NALCN: variants seen among roughly 807,000 people sequenced by gnomAD.
NALCN encodes sodium leak channel, non-selective.
NALCN carries 111 observed loss-of-function variants against 225.3 expected under a neutral mutation model. The ratio of observed to expected loss-of-function variants is 0.49; its 90% CI spans 0.42 to 0.58. The LOEUF is 0.58. NALCN is among the 20% of genes least tolerant of loss of function. NALCN has a pLI of 0.00. For synonymous variants in NALCN, 764 were observed against 769.0 expected (o/e 0.99, Z 0.11); for missense variants, 1,378 against 2,202.4 (o/e 0.63, Z 7.49).
At chr13:101,219,901 G>A (rs927207463) in intron 13 of NALCN, among the ~76,000 whole-genome samples, 1 of 152,154 alleles carries the variant, frequency 6.6e-6, no homozygotes, top group Non-Finnish European at 1.5e-5. Context: ...CTTACTATGT[G>A]TAAGTAGGGC....
intron 30 of NALCN, among the ~76,000 whole-genome samples, chr13:101,088,155 G>A (rs1410965109): frequency 6.6e-6 from 1 of 152,056 alleles, no homozygotes; most frequent in Non-Finnish European, 1.5e-5. Flanking sequence ...GTTTCTGAGG[G>A]TCCAAGTAGA....
intron 13 of NALCN, among the ~76,000 whole-genome samples, chr13:101,226,614 G>A (rs543488852): frequency 6.6e-5 from 10 of 151,678 alleles, no homozygotes; most frequent in East Asian, 1.9e-4. Flanking sequence ...TCCAGCCTCC[G>A]TTCCAGGAGT....
intron 3 of NALCN, among the ~76,000 whole-genome samples, chr13:101,393,977 T>C (rs1028454920): frequency 2.0e-5 from 3 of 152,226 alleles, no homozygotes; most frequent in Non-Finnish European, 4.4e-5. Context: ...AAATATTTTA[T>C]CATATGTAAA....
At chr13:101,362,466 CATAA>C (rs2139369257) in intron 6 of NALCN, among the ~76,000 whole-genome samples, 1 of 152,094 alleles carries the variant, frequency 6.6e-6, no homozygotes, top group East Asian at 1.9e-4. Context: ...TGATACATTA[CATAA>C]ATAAACCAGG....
chr13:101,089,831 G>A lies in NALCN; in HGVS notation c.3390+15C>T, dbSNP rs2034126872. 2 of 1,613,966 alleles carry A rather than the reference G, an allele frequency of 1.2e-6. No individual in the cohort carries two copies. The highest frequency in any genetic ancestry group is 1.7e-6 in the Non-Finnish European group (2 of 1,179,896). On this transcript the variant is annotated intron_variant, in intron 29 of 43. Transcript: ENST00000251127. This position sits in a 1 kb window ranked among gnomAD's most constrained non-coding sequence, Gnocchi z 4.7. ...TGCTCTTGAAGTGTTCAAAGGATTC[G>A]ATGTGCTCGCTTACCGGCCCCACAC...
intron 17 of NALCN, among the ~76,000 whole-genome samples, chr13:101,133,802 A>G (rs2036629736): frequency 6.6e-6 from 1 of 152,248 alleles, no homozygotes; most frequent in Non-Finnish European, 1.5e-5. Flanking sequence ...CCATTATAAT[A>G]TCATGTTATG....
intron 10 of NALCN, among the ~76,000 whole-genome samples, chr13:101,272,104 T>A (rs1280491068): frequency 6.6e-6 from 1 of 152,058 alleles, no homozygotes; most frequent in Non-Finnish European, 1.5e-5. Context: ...TGTGCATGTG[T>A]GTGTCTGTGT....
chr13:101,283,953 G>A lies in NALCN; in HGVS notation c.1114C>T (p.Arg372Cys), dbSNP rs549926959. 8.1e-6 allele frequency: 13 copies of A among 1,613,014 alleles called. No individual in the cohort carries two copies. Among genetic ancestry groups the A allele is most frequent in the East Asian group, 4.5e-5 (2 of 44,860 alleles). ...VAVDVNKPQGRAPACLQKMMR... is the reference protein window; with the variant it reads ...VAVDVNKPQGCAPACLQKMMR... ...TGCACCTGGAGGCAGGCTGGGGCGC[G>A]TCCCTGGGGCTTGTTGACATCCACA... The change falls in exon 10 of 44, where the codon CGC (arginine) becomes TGC (cysteine). Residue 372 changes from arginine (R) to cysteine (C), a missense_variant. Physicochemically the swap from Arg to Cys is radical, Grantham distance 180 (BLOSUM62 -3). Transcript: ENST00000251127.
intron 10 of NALCN, among the ~76,000 whole-genome samples, chr13:101,261,210 T>C (rs2140226222): frequency 6.6e-6 from 1 of 152,322 alleles, no homozygotes; most frequent in East Asian, 1.9e-4. Context: ...CTATTCTGTT[T>C]CGTTGGTCTA....
intron 7 of NALCN, among the ~76,000 whole-genome samples, chr13:101,312,285 A>C (rs867377037): frequency 5.3e-5 from 8 of 152,004 alleles, no homozygotes; most frequent in South Asian, 4.2e-4. Flanking sequence ...AGGTCTATCA[A>C]TTTTGTTGAT....
At chr13:101,057,110 C>CT (rs2031362406) in intron 43 of NALCN, 1 of 150,140 alleles carries the variant, frequency 6.7e-6, no homozygotes, top group Admixed American at 6.6e-5. Flanking sequence ...TGCTACACAT[C>CT]TTCTCCTTTC....
intron 18 of NALCN, among the ~76,000 whole-genome samples, chr13:101,111,901 A>C (rs1483821889): frequency 2.0e-5 from 3 of 152,170 alleles, no homozygotes. Context: ...AGATTAATAC[A>C]CACAGGCAAT....
chr13:101,251,415 G>GAAGTGGT (rs1386797707), intron 11 of NALCN, among the ~76,000 whole-genome samples: 3 of 152,064 alleles, frequency 2.0e-5, no homozygotes, highest in African/African-American at 4.8e-5. Flanking sequence ...AGGAGATCAA[G>GAAGTGGT]AAGTGGTACA....
chr13:101,356,851 G>A (rs1298668845), intron 6 of NALCN, among the ~76,000 whole-genome samples: 1 of 152,118 alleles, frequency 6.6e-6, no homozygotes, highest in Admixed American at 6.6e-5. Flanking sequence ...CAATCAAGTC[G>A]GCTTCATCCC....
chr13:101,395,033 T>A, intron 3 of NALCN, 150 bp downstream of exon 3: 1 of 675,074 alleles, frequency 1.5e-6, no homozygotes, highest in Non-Finnish European at 2.3e-6. Context: ...TCTCCCAGTC[T>A]CTGGAGTTAT....
At chr13:101,267,426 C>A (rs951314447) in intron 10 of NALCN, among the ~76,000 whole-genome samples, 2 of 152,134 alleles carry the variant, frequency 1.3e-5, no homozygotes, top group Non-Finnish European at 2.9e-5. Flanking sequence ...AACCCAGTGG[C>A]CTCCAATTGA....
At chr13:101,393,889 T>A (rs1211122850) in intron 3 of NALCN, among the ~76,000 whole-genome samples, 2 of 152,260 alleles carry the variant, frequency 1.3e-5, no homozygotes, top group African/African-American at 2.4e-5. Flanking sequence ...ATAAAAAAAA[T>A]TTGTGACAAT....
rs749509930 is a variant in NALCN, at chr13:101,083,823, G to A, written c.3490-19C>T. 6.2e-7 allele frequency: 1 copy of A among 1,609,906 alleles called. No homozygotes were observed. Among genetic ancestry groups the A allele is most frequent in the Non-Finnish European group, 8.5e-7 (1 of 1,177,506 alleles). On this transcript the variant is annotated intron_variant, in intron 30 of 43. Coordinates refer to ENST00000251127, the MANE Select transcript of NALCN (RefSeq NM_052867.4). ...CCGTCCCCTTAACAGACAAAAGAAA[G>A]CAGGAAAAGGCCTTTTGTCATGTGC...
intron 22 of NALCN, 96 bp downstream of exon 22, chr13:101,107,391 C>A (rs1395749617): frequency 2.1e-5 from 33 of 1,577,320 alleles, no homozygotes; most frequent in Non-Finnish European, 2.8e-5. Flanking sequence ...TTTTGTGACC[C>A]CATTAGGATT....
Sources: allele counts gnomAD v4.1 joint callset (sites outside exome capture counted in the v4.1 genomes callset), GRCh38; gene constraint gnomAD v4.1.1; non-coding constraint Gnocchi (gnomAD v3.1); transcripts MANE v1.5; gene names NCBI Gene and HGNC (gene_info 2026-07-23, HGNC 2026-07-21).